The following RXRG variants were observed in gnomAD, a reference collection of about 807,000 sequenced individuals.
RXRG encodes retinoic acid receptor RXR-gamma.
A neutral mutation model predicts 49.2 loss-of-function variants in RXRG; 19 were observed. The ratio of observed to expected loss-of-function variants is 0.39; its 90% CI spans 0.27 to 0.57. The LOEUF is 0.57. RXRG is among the 20% of genes least tolerant of loss of function. RXRG has a pLI of 0.64. For synonymous variants in RXRG, 224 were observed against 216.6 expected (o/e 1.03, Z -0.30); for missense variants, 452 against 592.5 (o/e 0.76, Z 2.46).
At chr1:165,424,752 C>G in intron 2 of RXRG, 1 of 985,206 alleles carries the variant, frequency 1.0e-6, no homozygotes, top group Non-Finnish European at 1.2e-6. Context: ...TGTACTTACG[C>G]GAGAACCAGG....
chr1:165,402,354 G>A (rs544087551), intron 9 of RXRG, among the ~76,000 whole-genome samples: 19 of 152,296 alleles, frequency 1.2e-4, no homozygotes, highest in African/African-American at 4.3e-4. Context: ...CCAAAGTGCT[G>A]GGATTACAGG....
chr1:165,407,711 C>A (rs1201173552), intron 8 of RXRG, among the ~76,000 whole-genome samples: 2 of 152,178 alleles, frequency 1.3e-5, no homozygotes, highest in Admixed American at 6.5e-5. Context: ...TCTTGGATAT[C>A]TACTACCCAT....
chr1:165,434,672 AC>A (rs1658775165), intron 1 of RXRG, among the ~76,000 whole-genome samples: 1 of 152,182 alleles, frequency 6.6e-6, no homozygotes, highest in South Asian at 2.1e-4. Context: ...TCACGGGAGC[AC>A]CATGGGGCCC....
chr1:165,417,833 T>C (rs1316398954), intron 3 of RXRG, among the ~76,000 whole-genome samples: 1 of 152,178 alleles, frequency 6.6e-6, no homozygotes, highest in African/African-American at 2.4e-5. Context: ...CCGGGCATGG[T>C]GGCTCACGCC....
chr1:165,400,969 G>C lies in RXRG; in HGVS notation c.*294C>G. 1 of 280,854 alleles carries C rather than the reference G, an allele frequency of 3.6e-6. No individual in the cohort carries two copies. The highest frequency in any genetic ancestry group is 7.3e-5 in the South Asian group (1 of 13,698). The allele number at this position is 280,854 out of a possible 1,614,324, so 17.4% of individuals were successfully genotyped here. A position where few individuals can be genotyped will look rare whatever the true frequency, so the allele number is the denominator to read the frequency against. The stretch of plus-strand genomic sequence containing the variant: ...TTATTACTCATTTGTTTGCTTTCCA[G>C]GGCAAGTGAAAAAATAATTTAAACC... On this transcript the variant is annotated 3_prime_UTR_variant, in exon 10 of 10. Coordinates refer to ENST00000359842, the MANE Select transcript of RXRG (RefSeq NM_006917.5).
chr1:165,433,226 C>A (rs1358912493), intron 1 of RXRG, among the ~76,000 whole-genome samples: 1 of 152,132 alleles, frequency 6.6e-6, no homozygotes, highest in Non-Finnish European at 1.5e-5. Context: ...CGAACCCGCT[C>A]GTGCCTTGAT....
At chr1:165,438,125 T>C (rs1322211091) in intron 1 of RXRG, among the ~76,000 whole-genome samples, 1 of 152,162 alleles carries the variant, frequency 6.6e-6, no homozygotes, top group African/African-American at 2.4e-5. Context: ...GGCCCCTCTA[T>C]CTGTTGTGCT....
At chr1:165,435,058 G>A (rs994770568) in intron 1 of RXRG, among the ~76,000 whole-genome samples, 2 of 152,114 alleles carry the variant, frequency 1.3e-5, no homozygotes, top group African/African-American at 4.8e-5. Context: ...AATCCAAAAT[G>A]CTCCAAAATC....
rs1409116427 is a variant in RXRG at position 165,444,738 on chromosome 1, T to A, written c.49+107A>T. The A allele has an allele frequency of 5.2e-5, 52 of 991,448 alleles. No individual in the cohort carries two copies. In the East Asian group the frequency reaches 1.2e-3, roughly 23 times the overall value. The allele number at this position is 991,448 out of a possible 1,614,324, so 61.4% of individuals were successfully genotyped here. A position where few individuals can be genotyped will look rare whatever the true frequency, so the allele number is the denominator to read the frequency against. ...TACACACTATATATGCATATAAACA[T>A]ATATGTTCTCCTTTTAATTCAATAC... is the stretch of plus-strand genomic sequence containing the variant. On this transcript the variant is annotated intron_variant, in intron 1 of 9. Coordinates refer to ENST00000359842, the MANE Select transcript of RXRG (RefSeq NM_006917.5).
intron 4 of RXRG, among the ~76,000 whole-genome samples, chr1:165,416,669 C>A (rs1165072695): frequency 6.6e-6 from 1 of 152,124 alleles, no homozygotes; most frequent in Non-Finnish European, 1.5e-5. Context: ...ATCATAAGGA[C>A]CCTGAAACCT....
Position 165,401,294 on chromosome 1 carries a change from T to C in RXRG, c.1361A>G (p.Glu454Gly). The C allele has an allele frequency of 6.2e-7, 1 of 1,614,028 alleles. No homozygotes were observed. The highest frequency in any genetic ancestry group is 8.5e-7 in the Non-Finnish European group (1 of 1,180,006). ...GDTPIDTFLM[E>G]MLETPLQIT is the part of the protein sequence containing the mutation. The stretch of plus-strand genomic sequence containing the variant: ...GATCTGCAGCGGGGTCTCCAACATC[T>C]CCATGAGGAAGGTGTCAATGGGGGT... Residue 454 changes from glutamate to glycine, a missense_variant, in exon 10 of 10, where the codon GAG (glutamate) becomes GGG (glycine). Transcript: ENST00000359842.
Position 165,409,708 on chromosome 1 carries a change from A to C in RXRG, c.914-18T>G, listed in dbSNP as rs758622714. The stretch of plus-strand genomic sequence containing the variant: ...ATTCCACCCTGCAAGGATAAGGAGG[A>C]GGTCTTGAGGGAAAACAGAACACAT... On this transcript the variant is annotated intron_variant, in intron 6 of 9. Transcript: ENST00000359842. 1 of 1,467,030 alleles carries C rather than the reference A, an allele frequency of 6.8e-7. No homozygotes were observed. The highest frequency in any genetic ancestry group is 1.4e-5 in the African/African-American group (1 of 69,324). The allele number at this position is 1,467,030 out of a possible 1,614,324, so 90.9% of individuals were successfully genotyped here. A position where few individuals can be genotyped will look rare whatever the true frequency, so the allele number is the denominator to read the frequency against.
chr1:165,435,979 A>G (rs376661094), intron 1 of RXRG, among the ~76,000 whole-genome samples: 3 of 152,316 alleles, frequency 2.0e-5, no homozygotes, highest in Admixed American at 6.5e-5. Context: ...CTGCATTCCA[A>G]TAAGCTTGCA....
chr1:165,425,010 T>C, intron 2 of RXRG: 1 of 970,134 alleles, frequency 1.0e-6, no homozygotes, highest in Non-Finnish European at 1.2e-6. Context: ...TTGGCAAGCT[T>C]AATATAGCTC....
intron 2 of RXRG, among the ~76,000 whole-genome samples, chr1:165,422,099 G>A (rs1658339166): frequency 6.6e-6 from 1 of 152,118 alleles, no homozygotes. Flanking sequence ...CACCACCTGA[G>A]GTTCAAGGGG....
chr1:165,429,732 C>T (rs184307179), intron 1 of RXRG, among the ~76,000 whole-genome samples: 31 of 152,256 alleles, frequency 2.0e-4, no homozygotes, highest in Non-Finnish European at 3.1e-4. Context: ...ACCAGACTGC[C>T]GAGACCATTT....
chr1:165,444,965 C>T lies in RXRG; in HGVS notation c.-72G>A. The T allele has an allele frequency of 6.9e-7, 1 of 1,455,490 alleles. No individual in the cohort carries two copies. Among genetic ancestry groups the T allele is most frequent in the Non-Finnish European group, 9.7e-7 (1 of 1,036,026 alleles). The allele number at this position is 1,455,490 out of a possible 1,614,324, so 90.2% of individuals were successfully genotyped here. On this transcript the variant is annotated 5_prime_UTR_variant, in exon 1 of 10. In the 5' UTR this introduces an upstream ATG that the reference lacks. Transcript: ENST00000359842. ...TACCGCCTCTCTCGGCTCCCAGGCA[C>T]AGCCCGGCTTTCTTCAACTTGGGCT... is the stretch of plus-strand genomic sequence containing the variant.
In RXRG at chr1:165,445,037, G is replaced by A; in HGVS notation, c.-144C>T. On this transcript the variant is annotated 5_prime_UTR_variant, in exon 1 of 10. Coordinates refer to ENST00000359842, the MANE Select transcript of RXRG (RefSeq NM_006917.5). Reference sequence around the variant, plus strand: ...CTAGCAGCCCGGGGAGCACAGGCTGGGCCAGCCCTCTGGGATTAGTCAGGA... The same window carrying A: ...CTAGCAGCCCGGGGAGCACAGGCTGAGCCAGCCCTCTGGGATTAGTCAGGA... 1.4e-6 allele frequency: 1 copy of A among 713,616 alleles called. No homozygotes were observed. The highest frequency in any genetic ancestry group is 2.6e-5 in the East Asian group (1 of 38,702). The allele number at this position is 713,616 out of a possible 1,614,324, so 44.2% of individuals were successfully genotyped here.
chr1:165,419,955 G>C lies in RXRG; in HGVS notation c.357C>G (p.Pro119=). The change falls in exon 3 of 10, where the codon CCC becomes CCG. Residue 119 remains proline, a synonymous_variant. Coordinates refer to ENST00000359842, the MANE Select transcript of RXRG (RefSeq NM_006917.5). ...SEDIKPLPGL[P]GIGNMNYPST... ...ATGGGTAGTTCATGTTTCCAATCCC[G>C]GGAAGCCCTGGTAAGGGCTTGATGT... The C allele has an allele frequency of 6.2e-7, 1 of 1,613,258 alleles. No homozygotes were observed. Among genetic ancestry groups the C allele is most frequent in the Non-Finnish European group, 8.5e-7 (1 of 1,179,534 alleles).
Sources: allele counts gnomAD v4.1 joint callset (sites outside exome capture counted in the v4.1 genomes callset), GRCh38; gene constraint gnomAD v4.1.1; transcripts MANE v1.5; gene names NCBI Gene and HGNC (gene_info 2026-07-23, HGNC 2026-07-21).